Variants in PRKCZ observed in about 807,000 individuals in gnomAD.
PRKCZ encodes protein kinase C zeta.
In PRKCZ, 33 loss-of-function variants were observed where a neutral mutation model predicts 79.5. The ratio of observed to expected loss-of-function variants is 0.41; its 90% CI spans 0.31 to 0.55. The LOEUF (loss-of-function observed/expected upper bound fraction) is 0.55, where lower values mean the gene tolerates loss of function less well. PRKCZ is among the 20% of genes least tolerant of loss of function. PRKCZ has a pLI of 0.19. For missense variants in PRKCZ, 578 were observed against 813.5 expected (o/e 0.71, Z 3.52); for synonymous variants, 342 against 320.9 (o/e 1.07, Z -0.70).
At chr1:2,052,242 C>G (rs1203555416) in intron 1 of PRKCZ, among the ~76,000 whole-genome samples, 21 of 152,162 alleles carry the variant, frequency 1.4e-4, no homozygotes. Flanking sequence ...GGCTCGGAGG[C>G]AATGCCACTG....
In PRKCZ at chr1:2,174,938, A is replaced by G. The variant is rs1685147833; in HGVS notation, c.1485+105A>G. The G allele has an allele frequency of 1.6e-6, 2 of 1,217,604 alleles. No homozygotes were observed. Among genetic ancestry groups the G allele is most frequent in the Admixed American group, 1.8e-5 (1 of 55,838 alleles). The allele number at this position is 1,217,604 out of a possible 1,614,324, so 75.4% of individuals were successfully genotyped here. A position where few individuals can be genotyped will look rare whatever the true frequency, so the allele number is the denominator to read the frequency against. On this transcript the variant is annotated intron_variant, in intron 15 of 17. Transcript: ENST00000378567. This position sits in a 1 kb window ranked among gnomAD's most constrained non-coding sequence, Gnocchi z 6.2. Reference sequence around the variant, plus strand: ...CATTTTTTCATGTCGGCTGCTGTGTATCGGGTGTGTGGGTTGATTTTCCGC... The same window carrying G: ...CATTTTTTCATGTCGGCTGCTGTGTGTCGGGTGTGTGGGTTGATTTTCCGC...
chr1:2,086,222 C>T (rs1318570070), intron 4 of PRKCZ, among the ~76,000 whole-genome samples: 1 of 151,898 alleles, frequency 6.6e-6, no homozygotes, highest in Non-Finnish European at 1.5e-5. Context: ...CCACCACGCC[C>T]AGCTAATTTT....
chr1:2,175,439 T>G, intron 16 of PRKCZ, 126 bp downstream of exon 16: 2 of 685,028 alleles, frequency 2.9e-6, no homozygotes, highest in Non-Finnish European at 4.5e-6. Flanking sequence ...AACCCCAATA[T>G]CCATCCCAAC....
chr1:2,181,551 C>A (rs909286685), intron 16 of PRKCZ, among the ~76,000 whole-genome samples: 1 of 152,240 alleles, frequency 6.6e-6, no homozygotes, highest in Non-Finnish European at 1.5e-5. Flanking sequence ...GGGTCCCGAC[C>A]TGGAGCCCAC....
chr1:2,115,827 A>G (rs1252312383), intron 4 of PRKCZ, among the ~76,000 whole-genome samples: 1 of 151,968 alleles, frequency 6.6e-6, no homozygotes. Context: ...CAGGCACGCC[A>G]CCCTCCAGCA....
chr1:2,103,434 TC>T (rs1422989679), intron 4 of PRKCZ, among the ~76,000 whole-genome samples: 1 of 151,468 alleles, frequency 6.6e-6, no homozygotes, highest in Non-Finnish European at 1.5e-5. Flanking sequence ...AGCTGGCACG[TC>T]CAGTGGCGCG....
chr1:2,103,846 G>A lies in PRKCZ; in HGVS notation c.335-31416G>A, dbSNP rs114086370. On this transcript the variant is annotated intron_variant, in intron 4 of 17. Coordinates refer to ENST00000378567, the MANE Select transcript of PRKCZ (RefSeq NM_002744.6). The stretch of plus-strand genomic sequence containing the variant: ...CAAGCTGCTGTGGTCTCTGGGGGCT[G>A]CACCTGAGGCGGCAGTGGGAGGAGA... Among the ~76,000 whole-genome samples, 335 of 152,328 alleles carry A rather than the reference G, an allele frequency of 2.2e-3. 2 individuals carry two copies. Among genetic ancestry groups the A allele is most frequent in the African/African-American group, 7.6e-3 (316 of 41,562 alleles).
At chr1:2,099,110 G>A (rs893622503) in intron 4 of PRKCZ, among the ~76,000 whole-genome samples, 8 of 152,172 alleles carry the variant, frequency 5.3e-5, no homozygotes, top group African/African-American at 1.7e-4. Context: ...TCTGTGTTGC[G>A]ACTTCTGTGG....
At chr1:2,057,806 G>C (rs947476444) in intron 3 of PRKCZ, among the ~76,000 whole-genome samples, 6 of 152,048 alleles carry the variant, frequency 3.9e-5, no homozygotes, top group Admixed American at 6.5e-5. Flanking sequence ...CCAGATATAA[G>C]CGATTGTCCT....
Position 2,050,686 on chromosome 1 carries a change from A to T in PRKCZ, c.56A>T (p.Lys19Met). The T allele has an allele frequency of 1.6e-6, 2 of 1,221,526 alleles. No individual in the cohort carries two copies. The highest frequency in any genetic ancestry group is 2.0e-6 in the Non-Finnish European group (2 of 981,182). The allele number at this position is 1,221,526 out of a possible 1,614,324, so 75.7% of individuals were successfully genotyped here. The change falls in exon 1 of 18, where the codon AAG becomes ATG. Residue 19 changes from lysine to methionine, a missense_variant. Physicochemically the swap from Lys to Met is moderately conservative, Grantham distance 95. This residue lies in a region of PRKCZ where 228 missense variants were observed against 211.6 expected (regional missense o/e 1.08). Transcript: ENST00000378567. ...GGGAGCGGCGGCCGCGTCCGCCTCAAGGCGCATTACGGGGGGTGAGCGGCG... is the reference window on the plus strand; with the variant it reads ...GGGAGCGGCGGCCGCGTCCGCCTCATGGCGCATTACGGGGGGTGAGCGGCG... ...MEGSGGRVRL[K>M]AHYGGDIFIT...
chr1:2,095,386 G>T (rs111349232), intron 4 of PRKCZ, among the ~76,000 whole-genome samples: 1 of 152,120 alleles, frequency 6.6e-6, no homozygotes, highest in Admixed American at 6.5e-5. Flanking sequence ...CACGGCACAC[G>T]TGAGAGCTGA....
Position 2,082,169 on chromosome 1 carries a change from G to C in PRKCZ, c.334+22578G>C. On this transcript the variant is annotated intron_variant, in intron 4 of 17. Coordinates refer to ENST00000378567, the MANE Select transcript of PRKCZ (RefSeq NM_002744.6). This position sits in a 1 kb window ranked among gnomAD's most constrained non-coding sequence, Gnocchi z 4.4. ...TCAGGGGTGCTGGACGCGTCAGACGGGTTCTTTGCAGCCCTTGGCAGCGTC... is the reference window on the plus strand; with the variant it reads ...TCAGGGGTGCTGGACGCGTCAGACGCGTTCTTTGCAGCCCTTGGCAGCGTC... 2 of 347,850 alleles carry C rather than the reference G, an allele frequency of 5.7e-6. No individual in the cohort carries two copies. Among genetic ancestry groups the C allele is most frequent in the South Asian group, 4.3e-5 (2 of 46,666 alleles). 21.5% of individuals were successfully genotyped at this position (347,850 alleles called of 1,614,324 possible).
chr1:2,136,058 C>G (rs1281436298), intron 5 of PRKCZ, among the ~76,000 whole-genome samples: 1 of 152,146 alleles, frequency 6.6e-6, no homozygotes, highest in African/African-American at 2.4e-5. Flanking sequence ...CTGACAGCCC[C>G]TCACAGGAGC....
At position 2,100,267 on chromosome 1, in the gene PRKCZ, C is replaced by G. The variant is rs568007793; in HGVS notation, c.335-34995C>G. ...AAAATCTGCCTTGTGGAAAAACGCC[C>G]ACGTCAGGGTGACCATCTGTGGTAA... On this transcript the variant is annotated intron_variant, in intron 4 of 17. Transcript: ENST00000378567. 5.8e-4 allele frequency among the ~76,000 whole-genome samples: 88 copies of G among 152,334 alleles called. 1 individual carries two copies. The highest frequency in any genetic ancestry group is 2.0e-3 in the African/African-American group (85 of 41,570).
intron 1 of PRKCZ, among the ~76,000 whole-genome samples, chr1:2,051,889 C>G (rs1272093642): frequency 6.6e-6 from 1 of 152,166 alleles, no homozygotes; most frequent in Admixed American, 6.5e-5. Context: ...TCCCCTGTGG[C>G]AAGCACCTGG....
Position 2,055,458 on chromosome 1 carries a change from G to C in PRKCZ, c.89G>C (p.Ser30Thr), listed in dbSNP as rs1660078810. ...TGCCCCAGGGACATCTTCATCACCA[G>C]CGTGGACGCCGCCACGACCTTCGAG... is the stretch of plus-strand genomic sequence containing the variant. ...AHYGGDIFIT[S>T]VDAATTFEEL... Residue 30 changes from serine to threonine, a missense_variant, in exon 2 of 18, where the codon AGC becomes ACC. Physicochemically the swap from Ser to Thr is moderately conservative, Grantham distance 58. Around this residue, in one of 4 missense-constraint regions of PRKCZ, gnomAD observed 228 missense variants for 211.6 expected, o/e 1.08. Coordinates refer to ENST00000378567, the MANE Select transcript of PRKCZ (RefSeq NM_002744.6). 2 of 1,613,624 alleles carry C rather than the reference G, an allele frequency of 1.2e-6. No individual in the cohort carries two copies. The highest frequency in any genetic ancestry group is 1.7e-6 in the Non-Finnish European group (2 of 1,179,714).
At chr1:2,078,562 C>T (rs920814542) in intron 4 of PRKCZ, among the ~76,000 whole-genome samples, 5 of 152,276 alleles carry the variant, frequency 3.3e-5, no homozygotes, top group South Asian at 4.2e-4. Context: ...GCTGGGAACT[C>T]GTGCTGTGGA....
intron 10 of PRKCZ, among the ~76,000 whole-genome samples, chr1:2,159,306 C>T (rs1244997701): frequency 3.9e-5 from 6 of 152,260 alleles, no homozygotes; most frequent in South Asian, 4.1e-4. Flanking sequence ...TGGGTGTGCT[C>T]GGCTGTGCCG....
chr1:2,073,945 C>T (rs980410949), intron 4 of PRKCZ: 149 of 1,359,944 alleles, frequency 1.1e-4, no homozygotes, highest in Non-Finnish European at 1.4e-4. Flanking sequence ...TCGGGGGCAT[C>T]TCCCCCGTGG....
Sources: allele counts gnomAD v4.1 joint callset (sites outside exome capture counted in the v4.1 genomes callset), GRCh38; gene constraint gnomAD v4.1.1; regional missense constraint gnomAD v4.1.1; non-coding constraint Gnocchi (gnomAD v3.1); transcripts MANE v1.5; gene names NCBI Gene and HGNC (gene_info 2026-07-23, HGNC 2026-07-21).